OGG1: variants seen among roughly 807,000 people sequenced by gnomAD.
OGG1 encodes the protein 8-oxoguanine DNA glycosylase, also known as N-glycosylase/DNA lyase.
In OGG1, 35 loss-of-function variants were observed where a neutral mutation model predicts 42.3. That is an observed-to-expected ratio of 0.83 (90% CI 0.63 to 1.10). The LOEUF is 1.10. Ranked by LOEUF, OGG1 falls within the 50% of genes least tolerant of loss-of-function variation. The pLI is 0.00. For missense variants in OGG1, 484 were observed against 446.7 expected (o/e 1.08, Z -0.75); for synonymous variants, 189 against 179.0 (o/e 1.06, Z -0.44).
chr3:9,786,186 G>A (rs1040319178), intron 3 of OGG1, among the ~76,000 whole-genome samples: 2 of 152,044 alleles, frequency 1.3e-5, no homozygotes, highest in African/African-American at 4.8e-5. Context: ...TGATCCGCCC[G>A]CCTCAGCCTC....
At chr3:9,785,340 G>C in intron 3 of OGG1, 1 of 1,614,006 alleles carries the variant, frequency 6.2e-7, no homozygotes, top group East Asian at 2.2e-5. Flanking sequence ...CTGATTGCGA[G>C]GGGAGGTGCT....
downstream of OGG1, among the ~76,000 whole-genome samples, chr3:9,769,566 A>G (rs1352404802): frequency 6.6e-6 from 1 of 152,062 alleles, no homozygotes; most frequent in East Asian, 1.9e-4. Context: ...GATACCTCCA[A>G]ATGCCCACGC....
At chr3:9,761,898 G>A (rs914155532), downstream of OGG1, 3 of 1,379,834 alleles carry the variant, frequency 2.2e-6, no homozygotes, top group East Asian at 2.5e-5. Flanking sequence ...AGAAAATCAA[G>A]GAAGCTCTCA....
chr3:9,755,759 C>A (rs2077518985), intron 4 of OGG1, among the ~76,000 whole-genome samples: 1 of 151,186 alleles, frequency 6.6e-6, no homozygotes, highest in African/African-American at 2.4e-5. Flanking sequence ...TGCACCCAGC[C>A]TTTTTTTTTC....
At chr3:9,762,612 GTC>G (rs1288531206) in intron 7 of OGG1, among the ~76,000 whole-genome samples, 1 of 151,978 alleles carries the variant, frequency 6.6e-6, no homozygotes. Context: ...TGATCCACCC[GTC>G]TCTGCCTCCT....
chr3:9,756,921 C>T (rs2125556858), intron 6 of OGG1, 105 bp downstream of exon 6: 1 of 1,612,060 alleles, frequency 6.2e-7, no homozygotes, highest in East Asian at 2.2e-5. Context: ...CTCCAGCCAC[C>T]CCTGTCCCAA....
chr3:9,766,353 G>C (rs2078152017), exon 8 of OGG1: 1 of 663,212 alleles, frequency 1.5e-6, no homozygotes, highest in Admixed American at 2.1e-5. Context: ...TGTACAGTTG[G>C]TTCATCCCTT....
At chr3:9,766,927 C>T (rs2078171181), downstream of OGG1, among the ~76,000 whole-genome samples, 1 of 152,160 alleles carries the variant, frequency 6.6e-6, no homozygotes, top group African/African-American at 2.4e-5. Flanking sequence ...TATCCAGCCT[C>T]CCTGGCCTGG....
At chr3:9,780,691 C>G (rs3872717) in intron 2 of OGG1, 352,849 of 747,956 alleles carry the variant, frequency 0.47, 87,375 homozygotes, top group Non-Finnish European at 0.52. Flanking sequence ...AAAGCAGTTA[C>G]TGACCTACAC....
chr3:9,757,443 G>A, downstream of OGG1: 1 of 1,605,668 alleles, frequency 6.2e-7, no homozygotes, highest in South Asian at 1.1e-5. This position sits in a 1 kb window ranked among gnomAD's most constrained non-coding sequence, Gnocchi z 4.5. Context: ...GGTGAGGAGG[G>A]GACAGGGCAG....
At chr3:9,790,282 C>T (rs2078701197), downstream of OGG1, among the ~76,000 whole-genome samples, 1 of 152,258 alleles carries the variant, frequency 6.6e-6, no homozygotes, top group Non-Finnish European at 1.5e-5. Context: ...GATGTCACCA[C>T]TACTGAGATG....
downstream of OGG1, among the ~76,000 whole-genome samples, chr3:9,770,262 A>C (rs1233008720): frequency 6.6e-6 from 1 of 152,116 alleles, no homozygotes; most frequent in Non-Finnish European, 1.5e-5. Flanking sequence ...AGGCCGGCCA[A>C]ACTCACCCTG....
At chr3:9,780,064 T>G in intron 2 of OGG1, 1 of 316,162 alleles carries the variant, frequency 3.2e-6, no homozygotes, top group South Asian at 9.7e-5. Flanking sequence ...GGTAGGGGAT[T>G]AGGGAGTGGG....
At chr3:9,770,511 A>T (rs189068465), downstream of OGG1, among the ~76,000 whole-genome samples, 233 of 152,254 alleles carry the variant, frequency 1.5e-3, no homozygotes, top group Admixed American at 2.4e-3. Context: ...CCTCTGCAAG[A>T]TGGAGCTGAG....
chr3:9,780,453 G>C, intron 2 of OGG1: 1 of 1,612,462 alleles, frequency 6.2e-7, no homozygotes, highest in Non-Finnish European at 8.5e-7. Flanking sequence ...TCTTCTGCCG[G>C]GCAGCCATGA....
At chr3:9,756,956 G>A (rs2077596979) in intron 6 of OGG1, 105 bp from the exon 7 acceptor site, 10 of 1,611,838 alleles carry the variant, frequency 6.2e-6, no homozygotes, top group East Asian at 4.5e-5. Flanking sequence ...CATTGCCTTC[G>A]GCCCTGTTCC....
Position 9,783,259 on chromosome 3 carries a change from A to G in OGG1, c.382+1659A>G, listed in dbSNP as rs532945332. ...AAGACAAAAAATAAATCACACAACA[A>G]TGTGAATATGGGTAACACTACTAAA... On this transcript the variant is annotated intron_variant, in intron 3 of 3. Transcript: ENST00000426518. The G allele has an allele frequency of 2.6e-5, 4 of 152,318 alleles. No individual in the cohort carries two copies. In the East Asian group the frequency reaches 5.8e-4, roughly 22 times the overall value. 9.4% of individuals were successfully genotyped at this position (152,318 alleles called of 1,614,324 possible).
intron 4 of OGG1, 123 bp from the exon 5 acceptor site, chr3:9,756,348 T>G (rs1340656795): frequency 5.3e-6 from 5 of 938,024 alleles, no homozygotes; most frequent in Non-Finnish European, 8.5e-6. Flanking sequence ...ATCTGTTGAT[T>G]GAGAATATAG....
At chr3:9,787,752 G>A (rs1457888563) in exon 4 of OGG1, 1 of 1,268,632 alleles carries the variant, frequency 7.9e-7, no homozygotes, top group Non-Finnish European at 1.0e-6. Flanking sequence ...AATCAGATAA[G>A]TGAAGTGAAA....
Sources: gnomAD v4.1 joint callset for allele counts (sites outside exome capture counted in the v4.1 genomes callset) on GRCh38, gnomAD v4.1.1 for gene constraint, Gnocchi (gnomAD v3.1) non-coding constraint, MANE v1.5 for transcripts, NCBI Gene and HGNC (gene_info 2026-07-23, HGNC 2026-07-21) for gene names.